The following PRICKLE3 variants were observed in gnomAD, a reference collection of about 807,000 sequenced individuals.
PRICKLE3 encodes prickle planar cell polarity protein 3, also known as LIM domain only protein 6.
In PRICKLE3, 17 loss-of-function variants were observed where a neutral mutation model predicts 33.8. The ratio of observed to expected loss-of-function variants is 0.50; its 90% CI spans 0.34 to 0.75. PRICKLE3 has a LOEUF of 0.75. Ranked by LOEUF, PRICKLE3 falls within the 30% of genes least tolerant of loss-of-function variation. PRICKLE3 has a pLI of 0.01. For synonymous variants in PRICKLE3, 211 were observed against 219.6 expected, an observed-to-expected ratio of 0.96 and a Z score of 0.34; for missense variants, 573 against 576.7, an observed-to-expected ratio of 0.99 and a Z score of 0.07.
intron 3 of PRICKLE3, among the ~76,000 whole-genome samples, chrX:49,180,810 C>A (rs2065445127): frequency 9.0e-6 from 1 of 111,412 alleles, no homozygotes; most frequent in South Asian, 3.8e-4. Context: ...ACTTGGCTGG[C>A]TAATGTGTCA....
chrX:49,177,120 C>T lies in PRICKLE3; in HGVS notation c.1038G>A (p.Arg346=), dbSNP rs1367194963. 1 of 1,197,859 alleles carries T rather than the reference C, an allele frequency of 8.3e-7. No individual in the cohort carries two copies. The highest frequency in any genetic ancestry group is 1.1e-6 in the Non-Finnish European group (1 of 889,895). ...DRCFCCSRCG[R]ALLGRPFLPR... ...GCAGGAATGGGCGGCCCAGCAGGGC[C>T]CGCCCACAGCGACTACAGCAGAAGC... Residue 346 remains arginine, a synonymous_variant, in exon 8 of 9, where the codon CGG becomes CGA. Transcript: ENST00000599218.
At chrX:49,180,121 G>A (rs1196372245) in intron 3 of PRICKLE3, among the ~76,000 whole-genome samples, 3 of 88,961 alleles carry the variant, frequency 3.4e-5, no homozygotes, top group African/African-American at 8.6e-5. Flanking sequence ...TGCAACCTCC[G>A]CCTCCTGGGT....
chrX:49,186,199 C>A (rs1602606256), intron 1 of PRICKLE3, 57 bp downstream of exon 1: 3 of 1,133,049 alleles, frequency 2.6e-6, no homozygotes, highest in East Asian at 3.4e-5. Flanking sequence ...TCCATTGCCC[C>A]CTTGCCTGGG....
rs782207074 is a variant in PRICKLE3 at position 49,183,503 on chromosome X, C to A, written c.312+231G>T. 1.1e-5 allele frequency: 8 copies of A among 732,859 alleles called. No homozygotes were observed. The Admixed American group carries it at 2.9e-4, about 27-fold the overall frequency. The allele number at this position is 732,859 out of a possible 1,213,427, so 60.4% of individuals were successfully genotyped here. ...AGACCCTGTCTCAAAAACAATCAATCAAAAATAATAGGATTGGGGTGAACA... is the reference window on the plus strand; with the variant it reads ...AGACCCTGTCTCAAAAACAATCAATAAAAAATAATAGGATTGGGGTGAACA... On this transcript the variant is annotated intron_variant, in intron 3 of 8. Coordinates refer to ENST00000599218, the MANE Select transcript of PRICKLE3 (RefSeq NM_006150.5).
At position 49,183,527 on chromosome X, in the gene PRICKLE3, C is replaced by T; in HGVS notation, c.312+207G>A. On this transcript the variant is annotated intron_variant, in intron 3 of 8. Coordinates refer to ENST00000599218, the MANE Select transcript of PRICKLE3 (RefSeq NM_006150.5). ...TCAAAAATAATAGGATTGGGGTGAA[C>T]AGGCCCTGAGGAACTGGTCCCTCAG... 1.1e-5 allele frequency: 9 copies of T among 836,146 alleles called. No homozygotes were observed. The South Asian group carries it at 2.4e-4, about 23-fold the overall frequency. The allele number at this position is 836,146 out of a possible 1,213,427, so 68.9% of individuals were successfully genotyped here.
At chrX:49,176,797 G>A (rs1020623692) in intron 8 of PRICKLE3, 106 bp downstream of exon 8, 4 of 829,466 alleles carry the variant, frequency 4.8e-6, no homozygotes, top group Non-Finnish European at 6.5e-6. Flanking sequence ...GGATACAGCA[G>A]GTGAAGGGCC....
chrX:49,175,503 T>C lies in PRICKLE3; in HGVS notation c.*170A>G. The stretch of plus-strand genomic sequence containing the variant: ...CACCACTGCACTCCAGCCTGGGCAA[T>C]AGGGTAGACCAAGTCTCTAAAACAG... On this transcript the variant is annotated 3_prime_UTR_variant, in exon 9 of 9. Coordinates refer to ENST00000599218, the MANE Select transcript of PRICKLE3 (RefSeq NM_006150.5). 3 of 497,280 alleles carry C rather than the reference T, an allele frequency of 6.0e-6. No homozygotes were observed. Among genetic ancestry groups the C allele is most frequent in the Non-Finnish European group, 9.8e-6 (3 of 305,995 alleles). 41.0% of individuals were successfully genotyped at this position (497,280 alleles called of 1,213,427 possible).
Position 49,175,810 on chromosome X carries a change from G to A in PRICKLE3, c.1711C>T (p.Pro571Ser), listed in dbSNP as rs1266501553. 1 of 1,210,742 alleles carries A rather than the reference G, an allele frequency of 8.3e-7. No individual in the cohort carries two copies. Among genetic ancestry groups the A allele is most frequent in the Non-Finnish European group, 1.1e-6 (1 of 895,264 alleles). ...GGCATGGGCCTGCACAAATGCGGGGGCAGAGGGATGCGCTCTCCTAGGAAG... is the reference window on the plus strand; with the variant it reads ...GGCATGGGCCTGCACAAATGCGGGGACAGAGGGATGCGCTCTCCTAGGAAG... The part of the protein sequence containing the change: ...GFFLGERIPL[P>S]PHLCRPMPAQ... The change falls in exon 9 of 9, where the codon CCC (proline) becomes TCC (serine). Residue 571 changes from proline (P) to serine (S), a missense_variant. Coordinates refer to ENST00000599218, the MANE Select transcript of PRICKLE3 (RefSeq NM_006150.5).
Position 49,183,840 on chromosome X carries a change from A to G in PRICKLE3, c.206T>C (p.Met69Thr), listed in dbSNP as rs2065469525. 1 of 1,211,244 alleles carries G rather than the reference A, an allele frequency of 8.3e-7. No individual in the cohort carries two copies. The highest frequency in any genetic ancestry group is 1.7e-5 in the African/African-American group (1 of 57,586). The change falls in exon 3 of 9, where the codon ATG becomes ACG. Residue 69 changes from methionine to threonine, a missense_variant. By Grantham distance (81) the Met-to-Thr change is moderately conservative. Transcript: ENST00000599218. ...CTGGAAGTCCGAGATTAGCCGACAC[A>G]TGATGCGTTCCAGGTCCACAGGCAC... ...HAVPVDLERI[M>T]CRLISDFQRH... is the part of the protein sequence containing the mutation.
At chrX:49,176,329 A>G in intron 8 of PRICKLE3, 64 bp from the exon 9 acceptor site, 2 of 875,498 alleles carry the variant, frequency 2.3e-6, no homozygotes, top group Non-Finnish European at 3.1e-6. Context: ...TCCTAAGAGG[A>G]GGCCTGCGGA....
At chrX:49,179,477 T>A in intron 4 of PRICKLE3, 89 bp from the exon 5 acceptor site, 1 of 1,116,271 alleles carries the variant, frequency 9.0e-7, no homozygotes, top group African/African-American at 1.8e-5. Context: ...AAAGTTTACT[T>A]CTAGGTCTTT....
Position 49,175,789 on chromosome X carries a change from T to C in PRICKLE3, c.1732A>G (p.Met578Val), listed in dbSNP as rs2065412008. The change falls in exon 9 of 9, where the codon ATG becomes GTG. Residue 578 changes from methionine to valine, a missense_variant. Transcript: ENST00000599218. Reference sequence around the variant, plus strand: ...TCCATTGCAGTGTCCTGAGCAGGCATGGGCCTGCACAAATGCGGGGGCAGA... The same window carrying C: ...TCCATTGCAGTGTCCTGAGCAGGCACGGGCCTGCACAAATGCGGGGGCAGA... Reference protein sequence around the residue: ...IPLPPHLCRPMPAQDTAMETF... With the variant: ...IPLPPHLCRPVPAQDTAMETF... 3.3e-6 allele frequency: 4 copies of C among 1,211,140 alleles called. No individual in the cohort carries two copies. Among genetic ancestry groups the C allele is most frequent in the South Asian group, 1.8e-5 (1 of 57,017 alleles).
At chrX:49,184,386 C>T (rs2065472093) in intron 2 of PRICKLE3, among the ~76,000 whole-genome samples, 2 of 108,777 alleles carry the variant, frequency 1.8e-5, no homozygotes, top group African/African-American at 6.7e-5. Flanking sequence ...GATGCGACTC[C>T]GCGGCTACGG....
Position 49,183,773 on chromosome X carries a change from C to T in PRICKLE3, c.273G>A (p.Glu91=), listed in dbSNP as rs2065468932. 5 of 1,211,572 alleles carry T rather than the reference C, an allele frequency of 4.1e-6. No homozygotes were observed. Among genetic ancestry groups the T allele is most frequent in the South Asian group, 3.5e-5 (2 of 57,009 alleles). Residue 91 remains glutamate, a synonymous_variant, in exon 3 of 9, where the codon GAG becomes GAA. Coordinates refer to ENST00000599218, the MANE Select transcript of PRICKLE3 (RefSeq NM_006150.5). ...ISDDDSGCAS[E]EYAWVPPGLK... ...GGCCTGGGGGCACCCAGGCATACTC[C>T]TCCGATGCACAGCCTGAGTCGTCGT...
At position 49,179,343 on chromosome X, in the gene PRICKLE3, G is replaced by A. The variant is rs1230167626; in HGVS notation, c.472C>T (p.Arg158Ter). The A allele has an allele frequency of 5.8e-6, 7 of 1,209,350 alleles. No homozygotes were observed. The highest frequency in any genetic ancestry group is 2.2e-5 in the Admixed American group (1 of 45,746). Residue 158 changes from arginine (R) to a stop codon, truncating the protein, a stop_gained, in exon 5 of 9, where the codon CGA (arginine) becomes TGA (stop). Coordinates refer to ENST00000599218, the MANE Select transcript of PRICKLE3 (RefSeq NM_006150.5). LOFTEE classifies it high-confidence loss of function. ...ALEEEEKKEL[R>*]AFSQQRKREN... Reference sequence around the variant, plus strand: ...CGCTTCCGCTGCTGGCTAAAGGCTCGGAGCTCTTTCTTTTCCTCCTCTTCC... The same window carrying A: ...CGCTTCCGCTGCTGGCTAAAGGCTCAGAGCTCTTTCTTTTCCTCCTCTTCC...
At position 49,181,636 on chromosome X, in the gene PRICKLE3, C is replaced by CACAT. The variant is rs1557101191; in HGVS notation, c.313-1831_313-1830insATGT. Among the ~76,000 whole-genome samples the CACAT allele has an allele frequency of 2.0e-4, 8 of 39,824 alleles. 1 individual carries two copies. The highest frequency in any genetic ancestry group is 3.0e-4 in the Non-Finnish European group (7 of 23,549). 34.6% of individuals were successfully genotyped at this position (39,824 alleles called of 115,157 possible). ...ATATGTGTATATATATATACACACA[C>CACAT]ATATATATATATTAAATAATTATTT... On this transcript the variant is annotated intron_variant, in intron 3 of 8. Coordinates refer to ENST00000599218, the MANE Select transcript of PRICKLE3 (RefSeq NM_006150.5).
chrX:49,181,122 C>T (rs1557100911), intron 3 of PRICKLE3, among the ~76,000 whole-genome samples: 1 of 110,114 alleles, frequency 9.1e-6, no homozygotes. Flanking sequence ...AATCCCAGCA[C>T]TTTAGGAGGC....
chrX:49,176,868 G>A, intron 8 of PRICKLE3, 35 bp downstream of exon 8: 1 of 1,158,351 alleles, frequency 8.6e-7, no homozygotes. Flanking sequence ...GGGGTGACTG[G>A]GCTGTGGCTG....
chrX:49,176,475 G>C (rs1326071114), intron 8 of PRICKLE3, among the ~76,000 whole-genome samples: 1 of 110,156 alleles, frequency 9.1e-6, no homozygotes, highest in Non-Finnish European at 1.9e-5. Flanking sequence ...AGAACACGGA[G>C]CAAGATGGGA....
Sources: allele counts gnomAD v4.1 joint callset (sites outside exome capture counted in the v4.1 genomes callset), GRCh38; gene constraint gnomAD v4.1.1; transcripts MANE v1.5; gene names NCBI Gene and HGNC (gene_info 2026-07-23, HGNC 2026-07-21).